CPB2: variants seen among roughly 807,000 people sequenced by gnomAD.
CPB2 encodes the protein carboxypeptidase B2.
Under a neutral mutation model 57.0 loss-of-function variants are expected in CPB2, and 54 were observed. The observed-to-expected ratio is 0.95, with a 90% CI of 0.76 to 1.19. The LOEUF (loss-of-function observed/expected upper bound fraction) is 1.19. CPB2 is among the 50% of genes most tolerant of loss of function. CPB2 has a pLI of 0.00. For missense variants in CPB2, 426 were observed against 512.0 expected, an observed-to-expected ratio of 0.83 and a Z score of 1.62; for synonymous variants, 189 against 178.1, an observed-to-expected ratio of 1.06 and a Z score of -0.49.
At chr13:46,066,721 C>T (rs982448853) in intron 7 of CPB2, among the ~76,000 whole-genome samples, 8 of 151,606 alleles carry the variant, frequency 5.3e-5, no homozygotes, top group Admixed American at 2.0e-4. Context: ...GGCAGGCACC[C>T]GTAGTCCCAG....
At chr13:46,104,241 A>T (rs574759567) in intron 1 of CPB2, among the ~76,000 whole-genome samples, 2 of 152,222 alleles carry the variant, frequency 1.3e-5, no homozygotes, top group Admixed American at 1.3e-4. Flanking sequence ...GAACCAAAAC[A>T]AAGGGGAAAA....
At chr13:46,077,131 G>A (rs193006300) in intron 5 of CPB2, among the ~76,000 whole-genome samples, 6 of 151,826 alleles carry the variant, frequency 4.0e-5, no homozygotes, top group South Asian at 2.1e-4. Flanking sequence ...AAATAACAGC[G>A]TGAAAAGAAA....
intron 4 of CPB2, among the ~76,000 whole-genome samples, chr13:46,080,440 T>A (rs1052912908): frequency 2.6e-5 from 4 of 152,208 alleles, no homozygotes; most frequent in Non-Finnish European, 5.9e-5. Context: ...ACAAGACATT[T>A]TCTATAATGT....
rs1046555306 is a variant in CPB2, at chr13:46,067,210, C to T, written c.702+97G>A. ...AAGTTAAAAAAAATTAATAATAAAGCCATTGTGCCTAGATCCAGAATTCTA... is the reference window on the plus strand; with the variant it reads ...AAGTTAAAAAAAATTAATAATAAAGTCATTGTGCCTAGATCCAGAATTCTA... On this transcript the variant is annotated intron_variant, in intron 7 of 10. Coordinates refer to ENST00000181383, the MANE Select transcript of CPB2 (RefSeq NM_001872.5). 1.9e-5 allele frequency: 11 copies of T among 568,944 alleles called. No homozygotes were observed. In the Admixed American group the frequency reaches 3.5e-4, roughly 18 times the overall value. 35.2% of individuals were successfully genotyped at this position (568,944 alleles called of 1,614,324 possible). A position where few individuals can be genotyped will look rare whatever the true frequency, so the allele number is the denominator to read the frequency against.
intron 4 of CPB2, among the ~76,000 whole-genome samples, chr13:46,081,484 AG>A (rs925080261): frequency 2.6e-5 from 4 of 151,986 alleles, no homozygotes; most frequent in Admixed American, 6.6e-5. Context: ...AGATTAAAAA[AG>A]GGGGGGTGCA....
At chr13:46,093,211 C>T (rs2045318762) in intron 1 of CPB2, among the ~76,000 whole-genome samples, 1 of 152,184 alleles carries the variant, frequency 6.6e-6, no homozygotes, top group African/African-American at 2.4e-5. Flanking sequence ...CCGCGCCCAC[C>T]AAGGATAACT....
rs755398972 is a variant in CPB2, at chr13:46,084,239, A to G, written c.255T>C (p.Asn85=). 8.7e-6 allele frequency: 14 copies of G among 1,614,118 alleles called. No individual in the cohort carries two copies. The South Asian group carries it at 9.9e-5, about 11-fold the overall frequency. Reference sequence around the variant, plus strand: ...CCTACCTGCATGGAATTCCGCTCACATTTAAATGGGCTTTCACATTGTCGA... The same window carrying G: ...CCTACCTGCATGGAATTCCGCTCACGTTTAAATGGGCTTTCACATTGTCGA... ...SDVDNVKAHL[N]VSGIPCSVLL... The change falls in exon 3 of 11, where the codon AAT becomes AAC. Residue 85 remains asparagine, a synonymous_variant. Transcript: ENST00000181383.
At chr13:46,089,844 G>A (rs1302966247) in intron 1 of CPB2, among the ~76,000 whole-genome samples, 2 of 61,020 alleles carry the variant, frequency 3.3e-5, no homozygotes, top group Non-Finnish European at 6.7e-5. Flanking sequence ...CCAGAACCGT[G>A]AGCAATAAAT....
At chr13:46,097,463 C>A (rs999150881) in intron 1 of CPB2, 1 of 152,152 alleles carries the variant, frequency 6.6e-6, no homozygotes. Context: ...GCCTGTAGGG[C>A]CTCAGGCAAG....
intron 8 of CPB2, among the ~76,000 whole-genome samples, chr13:46,060,827 C>A (rs1316623996): frequency 1.3e-5 from 2 of 152,114 alleles, no homozygotes; most frequent in Non-Finnish European, 2.9e-5. Context: ...TACCATTAAG[C>A]AGTCATGTTA....
intron 1 of CPB2, among the ~76,000 whole-genome samples, chr13:46,094,277 G>A (rs1252054171): frequency 1.3e-5 from 2 of 152,146 alleles, no homozygotes; most frequent in East Asian, 3.9e-4. Flanking sequence ...CTCAGATGGT[G>A]CAGGCCATGC....
chr13:46,073,728 T>C (rs2044979170), intron 6 of CPB2, 145 bp downstream of exon 6: 4 of 517,640 alleles, frequency 7.7e-6, no homozygotes, highest in Non-Finnish European at 1.3e-5. Context: ...AAAAGTCACC[T>C]GGGAAACTTG....
intron 1 of CPB2, among the ~76,000 whole-genome samples, chr13:46,091,272 G>T (rs1290989422): frequency 6.6e-6 from 1 of 152,078 alleles, no homozygotes; most frequent in Admixed American, 6.6e-5. Context: ...AAGTAATTGC[G>T]GTTTTTGCCG....
At position 46,080,832 on chromosome 13, in the gene CPB2, C is replaced by A. The variant is rs17844211; in HGVS notation, c.384+1609G>T. Among the ~76,000 whole-genome samples, 710 of 151,982 alleles carry A rather than the reference C, an allele frequency of 4.7e-3. 4 individuals carry two copies. Among genetic ancestry groups the A allele is most frequent in the African/African-American group, 0.016 (657 of 41,440 alleles). ...CTAAAAATACAAAAAATTAGCTGAG[C>A]GTGGTGGTATGCGCCTCTAGTCCCA... On this transcript the variant is annotated intron_variant, in intron 4 of 10. Coordinates refer to ENST00000181383, the MANE Select transcript of CPB2 (RefSeq NM_001872.5).
chr13:46,074,407 G>T (rs2044990306), intron 5 of CPB2, among the ~76,000 whole-genome samples: 1 of 148,216 alleles, frequency 6.7e-6, no homozygotes, highest in Non-Finnish European at 1.5e-5. Context: ...ACTCCCTCAA[G>T]ATTTTCCTGA....
Position 46,084,337 on chromosome 13 carries a change from G to T in CPB2, c.157C>A (p.Leu53Ile), listed in dbSNP as rs368766293. 2 of 1,613,832 alleles carry T rather than the reference G, an allele frequency of 1.2e-6. No homozygotes were observed. The highest frequency in any genetic ancestry group is 1.7e-6 in the Non-Finnish European group (2 of 1,179,968). ...AGGTCAGCTGTTACCGGCTGCCAGA[G>T]AACAATCTACAGTTTAAGGGGCAAA... is the stretch of plus-strand genomic sequence containing the variant. ...QNLTTTYEIV[L>I]WQPVTADLIV... The change falls in exon 3 of 11, where the codon CTC becomes ATC. Residue 53 changes from leucine (L) to isoleucine (I), a missense_variant. Physicochemically the swap from Leu to Ile is conservative, Grantham distance 5. Coordinates refer to ENST00000181383, the MANE Select transcript of CPB2 (RefSeq NM_001872.5).
At chr13:46,059,350 A>G (rs927642086) in intron 8 of CPB2, among the ~76,000 whole-genome samples, 2 of 152,208 alleles carry the variant, frequency 1.3e-5, no homozygotes, top group African/African-American at 4.8e-5. Flanking sequence ...GCTATACAGC[A>G]TATTGTTAAG....
At chr13:46,094,729 A>G (rs2045342289) in intron 1 of CPB2, 1 of 152,196 alleles carries the variant, frequency 6.6e-6, no homozygotes, top group Non-Finnish European at 1.5e-5. Context: ...TAGGGGCAAG[A>G]TAGAGAAGCA....
At chr13:46,073,044 T>C (rs1033030159) in intron 6 of CPB2, among the ~76,000 whole-genome samples, 2 of 152,118 alleles carry the variant, frequency 1.3e-5, no homozygotes, top group African/African-American at 2.4e-5. Context: ...TGAAGGCAAA[T>C]AGGGATGTTG....
Sources: gnomAD v4.1 joint callset for allele counts (sites outside exome capture counted in the v4.1 genomes callset) on GRCh38, gnomAD v4.1.1 for gene constraint, MANE v1.5 for transcripts, NCBI Gene and HGNC (gene_info 2026-07-23, HGNC 2026-07-21) for gene names.